Variants in XPO5 observed in about 807,000 individuals in gnomAD.
XPO5 encodes the protein exportin 5.
A neutral mutation model predicts 160.6 loss-of-function variants in XPO5; 46 were observed. That is an observed-to-expected ratio of 0.29 (90% CI 0.23 to 0.37). XPO5 has a LOEUF of 0.37. XPO5 is among the 10% of genes least tolerant of loss of function. The probability of loss-of-function intolerance (pLI) is 1.00; values close to 1 mark genes in which losing one functional copy is unlikely to be tolerated. For synonymous variants in XPO5, 537 were observed against 519.3 expected (o/e 1.03, Z -0.46); for missense variants, 1,090 against 1,463.9 (o/e 0.74, Z 4.17).
intron 23 of XPO5, 85 bp downstream of exon 23, chr6:43,530,603 C>G (rs1793906590): frequency 6.7e-7 from 1 of 1,487,692 alleles, no homozygotes; most frequent in South Asian, 1.3e-5. Flanking sequence ...AGTTCTGCCT[C>G]TTCCCTCTGG....
chr6:43,564,241 A>T (rs1413363460), intron 8 of XPO5, among the ~76,000 whole-genome samples: 2 of 152,090 alleles, frequency 1.3e-5, no homozygotes, highest in Non-Finnish European at 2.9e-5. Context: ...TATTTAAAAA[A>T]TTTTCCAGCC....
At position 43,546,734 on chromosome 6, in the gene XPO5, T is replaced by C; in HGVS notation, c.2179A>G (p.Ser727Gly). 1 of 1,601,378 alleles carries C rather than the reference T, an allele frequency of 6.2e-7. No individual in the cohort carries two copies. The highest frequency in any genetic ancestry group is 8.5e-7 in the Non-Finnish European group (1 of 1,175,668). Reference sequence around the variant, plus strand: ...GTTCGTTTCACCACACCCAGAATGCTGTATACACAAAAGCTCATCTATAGA... The same window carrying C: ...GTTCGTTTCACCACACCCAGAATGCCGTATACACAAAAGCTCATCTATAGA... Reference protein sequence around the residue: ...NRARMSFCVYSILGVVKRTCW... With the variant: ...NRARMSFCVYGILGVVKRTCW... Residue 727 changes from serine to glycine, a missense_variant, in exon 20 of 32, where the codon AGC becomes GGC. Ser to Gly is a moderately conservative substitution (Grantham distance 56). Coordinates refer to ENST00000265351, the MANE Select transcript of XPO5 (RefSeq NM_020750.3).
intron 15 of XPO5, 124 bp downstream of exon 15, chr6:43,551,174 T>C: frequency 9.6e-7 from 1 of 1,043,568 alleles, no homozygotes; most frequent in Non-Finnish European, 1.3e-6. Flanking sequence ...GAGGATCCCT[T>C]GAGACTAGTA....
rs866308836 is a variant in XPO5 at position 43,522,990 on chromosome 6, G to A, written c.*878C>T. On this transcript the variant is annotated 3_prime_UTR_variant, in exon 32 of 32. Transcript: ENST00000265351. ...AGATTGTGGAAGGCACCTGGACTTA[G>A]TCCTAGGAGAAGACCAGCGGCTTTG... 3 of 168,632 alleles carry A rather than the reference G, an allele frequency of 1.8e-5. No homozygotes were observed. The highest frequency in any genetic ancestry group is 6.0e-3 in the Middle Eastern group (2 of 334). The allele number at this position is 168,632 out of a possible 1,614,324, so 10.4% of individuals were successfully genotyped here.
intron 31 of XPO5, 39 bp from the exon 32 acceptor site, chr6:43,524,044 T>A (rs1203026595): frequency 1.9e-6 from 3 of 1,599,266 alleles, no homozygotes; most frequent in Non-Finnish European, 2.5e-6. Flanking sequence ...TGCTGGGCCC[T>A]CAGTAGTAGT....
chr6:43,562,987 C>T (rs1762489665), intron 8 of XPO5, among the ~76,000 whole-genome samples: 1 of 152,108 alleles, frequency 6.6e-6, no homozygotes, highest in African/African-American at 2.4e-5. Context: ...AACACATGTG[C>T]CTCATACCTT....
chr6:43,543,559 T>C (rs114418843), intron 20 of XPO5, among the ~76,000 whole-genome samples: 3 of 152,332 alleles, frequency 2.0e-5, no homozygotes, highest in Non-Finnish European at 4.4e-5. Context: ...AGTTGCTTCT[T>C]GATCTGAGTG....
intron 6 of XPO5, 57 bp downstream of exon 6, chr6:43,568,654 T>C: frequency 7.0e-7 from 1 of 1,432,502 alleles, no homozygotes; most frequent in African/African-American, 1.4e-5. Context: ...TAGGGGCACG[T>C]ATCCCCTCAC....
intron 24 of XPO5, among the ~76,000 whole-genome samples, chr6:43,528,597 G>T (rs888256260): frequency 6.6e-6 from 1 of 152,144 alleles, no homozygotes; most frequent in African/African-American, 2.4e-5. Flanking sequence ...TTAACAGGAG[G>T]TTAGGAGCAG....
In XPO5 at chr6:43,522,723, G is replaced by A. The variant is rs769776832; in HGVS notation, c.*1145C>T. On this transcript the variant is annotated 3_prime_UTR_variant, in exon 32 of 32. Transcript: ENST00000265351. ...CTCTCGGGGAAACCCTCTTGTCAGTGGACTGGATGGACAACAGGTCTGTTT... is the reference window on the plus strand; with the variant it reads ...CTCTCGGGGAAACCCTCTTGTCAGTAGACTGGATGGACAACAGGTCTGTTT... 2 of 500,454 alleles carry A rather than the reference G, an allele frequency of 4.0e-6. No homozygotes were observed. Among genetic ancestry groups the A allele is most frequent in the Non-Finnish European group, 8.3e-6 (2 of 239,942 alleles). The allele number at this position is 500,454 out of a possible 1,614,324, so 31.0% of individuals were successfully genotyped here. A position where few individuals can be genotyped will look rare whatever the true frequency, so the allele number is the denominator to read the frequency against.
intron 20 of XPO5, among the ~76,000 whole-genome samples, chr6:43,542,168 T>C (rs1794729862): frequency 6.6e-6 from 1 of 152,172 alleles, no homozygotes; most frequent in African/African-American, 2.4e-5. Flanking sequence ...TTTATTTTTT[T>C]TCTCTAAGGA....
intron 15 of XPO5, 110 bp from the exon 16 acceptor site, chr6:43,550,044 C>T: frequency 8.7e-7 from 1 of 1,148,998 alleles, no homozygotes; most frequent in East Asian, 2.5e-5. Flanking sequence ...GATTCTCCTG[C>T]TTTAGCCTTC....
chr6:43,550,448 T>G (rs1399576847), intron 15 of XPO5, among the ~76,000 whole-genome samples: 1 of 152,222 alleles, frequency 6.6e-6, no homozygotes, highest in East Asian at 1.9e-4. Context: ...CAACATTTTC[T>G]TCATTTCTCT....
intron 20 of XPO5, among the ~76,000 whole-genome samples, chr6:43,534,235 A>G (rs928728711): frequency 1.3e-4 from 20 of 152,180 alleles, no homozygotes; most frequent in African/African-American, 4.6e-4. Flanking sequence ...TAACATGAGA[A>G]CTAAACCCCA....
At chr6:43,534,766 G>A (rs574266732) in intron 20 of XPO5, among the ~76,000 whole-genome samples, 32 of 152,160 alleles carry the variant, frequency 2.1e-4, no homozygotes, top group Non-Finnish European at 4.4e-4. Flanking sequence ...GGGAGGCCGA[G>A]GCTGGCGAAT....
chr6:43,572,811 G>C (rs1208225630), intron 2 of XPO5, among the ~76,000 whole-genome samples: 2 of 152,162 alleles, frequency 1.3e-5, no homozygotes, highest in African/African-American at 4.8e-5. Context: ...ACTGGAATCC[G>C]CACAAGATTT....
rs563408450 is a variant in XPO5, at chr6:43,548,414, T to C, written c.1907A>G (p.Asn636Ser). Reference sequence around the variant, plus strand: ...CTCCATTTGTGTCAGGAGTAGCTCATTGGAGAGGAGTTGCTTCACATGGTT... The same window carrying C: ...CTCCATTTGTGTCAGGAGTAGCTCACTGGAGAGGAGTTGCTTCACATGGTT... ...LYNHVKQLLSNELLLTQMEKC... is the reference protein window; with the variant it reads ...LYNHVKQLLSSELLLTQMEKC... Residue 636 changes from asparagine to serine, a missense_variant, in exon 18 of 32, where the codon AAT becomes AGT. Around this residue, in one of 3 missense-constraint regions of XPO5, gnomAD observed 810 missense variants for 1,139.0 expected, o/e 0.71. Coordinates refer to ENST00000265351, the MANE Select transcript of XPO5 (RefSeq NM_020750.3). The C allele has an allele frequency of 6.8e-6, 11 of 1,606,582 alleles. No homozygotes were observed. The highest frequency in any genetic ancestry group is 2.7e-5 in the African/African-American group (2 of 74,828).
chr6:43,538,139 CTTTTTTTT>C (rs1160662301), intron 20 of XPO5, among the ~76,000 whole-genome samples: 548 of 49,002 alleles, frequency 0.011, 1 homozygote, highest in Non-Finnish European at 0.014. Flanking sequence ...TAAGAGACAT[CTTTTTTTT>C]TTTTTTTTTT....
At chr6:43,548,869 T>C (rs1030192357) in intron 17 of XPO5, among the ~76,000 whole-genome samples, 1 of 152,102 alleles carries the variant, frequency 6.6e-6, no homozygotes, top group Non-Finnish European at 1.5e-5. Flanking sequence ...GATTTGCATC[T>C]GCTTTTCTCA....
Sources: gnomAD v4.1 joint callset for allele counts (sites outside exome capture counted in the v4.1 genomes callset) on GRCh38, gnomAD v4.1.1 for gene constraint, gnomAD v4.1.1 regional missense constraint, MANE v1.5 for transcripts, NCBI Gene and HGNC (gene_info 2026-07-23, HGNC 2026-07-21) for gene names.